Variants in FRS2 observed in about 807,000 individuals in gnomAD.
The protein encoded by FRS2 is fibroblast growth factor receptor substrate 2, also known as FGFR signalling adaptor.
In FRS2, 8 loss-of-function variants were observed where a neutral mutation model predicts 43.9. The ratio of observed to expected loss-of-function variants is 0.18; its 90% CI spans 0.11 to 0.33. The LOEUF (loss-of-function observed/expected upper bound fraction) is 0.33. FRS2 is among the 10% of genes least tolerant of loss of function. The probability of loss-of-function intolerance (pLI) is 1.00; values close to 1 mark genes in which losing one functional copy is unlikely to be tolerated. For synonymous variants in FRS2, 219 were observed against 220.3 expected (o/e 0.99, Z 0.05); for missense variants, 534 against 627.6 (o/e 0.85, Z 1.59).
Position 69,561,780 on chromosome 12 carries a change from C to T in FRS2, c.-121-400C>T, listed in dbSNP as rs1593058102. On this transcript the variant is annotated intron_variant, in intron 3 of 8. Coordinates refer to ENST00000549921, the MANE Select transcript of FRS2 (RefSeq NM_001278356.2). Reference sequence around the variant, plus strand: ...ATGGTGAGTGAGGTTTAGGAAATGTCACTGGGGATGGAGAATTAGTCTGCT... The same window carrying T: ...ATGGTGAGTGAGGTTTAGGAAATGTTACTGGGGATGGAGAATTAGTCTGCT... 2.0e-5 allele frequency among the ~76,000 whole-genome samples: 3 copies of T among 152,172 alleles called. No individual in the cohort carries two copies. In the South Asian group the frequency reaches 6.2e-4, roughly 32 times the overall value.
chr12:69,488,658 C>T (rs759772733), intron 1 of FRS2, among the ~76,000 whole-genome samples: 4 of 152,108 alleles, frequency 2.6e-5, no homozygotes, highest in African/African-American at 4.8e-5. Context: ...CTATTTGAAG[C>T]TGTTTTGACA....
intron 1 of FRS2, among the ~76,000 whole-genome samples, chr12:69,530,053 CAAAA>C (rs950260147): frequency 1.3e-5 from 2 of 149,014 alleles, no homozygotes; most frequent in African/African-American, 5.0e-5. Flanking sequence ...GACTCCGTCT[CAAAA>C]GAAAAAAAAA....
intron 5 of FRS2, among the ~76,000 whole-genome samples, 177 bp downstream of exon 5, chr12:69,569,273 T>G (rs1880552956): frequency 6.6e-6 from 1 of 152,234 alleles, no homozygotes; most frequent in Non-Finnish European, 1.5e-5. Flanking sequence ...GTATGGAATT[T>G]TTTTTAGTTT....
chr12:69,533,080 A>G (rs1448640064), intron 3 of FRS2, among the ~76,000 whole-genome samples: 2 of 152,220 alleles, frequency 1.3e-5, no homozygotes, highest in Non-Finnish European at 2.9e-5. Context: ...CTAATCTTAT[A>G]CTGCCACCCT....
At chr12:69,545,763 AAAAAAAAAAAAAAAAC>A (rs1288052412) in intron 3 of FRS2, among the ~76,000 whole-genome samples, 1 of 150,344 alleles carries the variant, frequency 6.7e-6, no homozygotes, top group Non-Finnish European at 1.5e-5. Flanking sequence ...CTCAAAAAAA[AAAAAAAAAAAAAAAAC>A]AAAAACAAAA....
At chr12:69,553,358 A>T (rs913383570) in intron 3 of FRS2, among the ~76,000 whole-genome samples, 2 of 152,222 alleles carry the variant, frequency 1.3e-5, no homozygotes, top group Non-Finnish European at 2.9e-5. Flanking sequence ...GGCATGAGCC[A>T]CTGCGCCTGG....
At chr12:69,476,143 T>A (rs1159168126) in intron 1 of FRS2, among the ~76,000 whole-genome samples, 1 of 152,200 alleles carries the variant, frequency 6.6e-6, no homozygotes, top group Non-Finnish European at 1.5e-5. Context: ...TATTTATGCA[T>A]ATTAAAGAAG....
chr12:69,517,619 TGCCATTCCTAAAGGGCACATAG>T (rs910996561), intron 1 of FRS2, among the ~76,000 whole-genome samples: 5 of 146,460 alleles, frequency 3.4e-5, no homozygotes, highest in African/African-American at 1.3e-4. Context: ...ACTGGAATTC[TGCCATTCCTAAAGGGCACATAG>T]GCCATTTCTA....
intron 1 of FRS2, among the ~76,000 whole-genome samples, chr12:69,523,344 CTT>C (rs1272647644): frequency 6.6e-6 from 1 of 151,790 alleles, no homozygotes; most frequent in Non-Finnish European, 1.5e-5. Flanking sequence ...ATGCCCTTGT[CTT>C]TTTTGATCTT....
chr12:69,495,768 G>A (rs1872822857), intron 1 of FRS2, among the ~76,000 whole-genome samples: 1 of 152,002 alleles, frequency 6.6e-6, no homozygotes. Context: ...TGGCTGTGGT[G>A]GTGCACACCT....
chr12:69,485,091 A>ACACACACACACACACACACACACGCG (rs1871730400), intron 1 of FRS2, among the ~76,000 whole-genome samples: 1 of 123,286 alleles, frequency 8.1e-6, no homozygotes, highest in Admixed American at 7.7e-5. Flanking sequence ...AAACACACAC[A>ACACACACACACACACACACACACGCG]CACACACACA....
intron 1 of FRS2, among the ~76,000 whole-genome samples, chr12:69,487,918 G>A (rs930736933): frequency 1.3e-5 from 2 of 152,184 alleles, no homozygotes; most frequent in Non-Finnish European, 2.9e-5. Context: ...AGCATATATG[G>A]TGAACATTGC....
chr12:69,539,749 T>A (rs1169371244), intron 3 of FRS2, among the ~76,000 whole-genome samples: 5 of 145,932 alleles, frequency 3.4e-5, no homozygotes, highest in South Asian at 2.2e-4. Context: ...AGGTCAGGAG[T>A]TCGAGACCAG....
At chr12:69,530,265 A>G (rs1018038735) in intron 1 of FRS2, among the ~76,000 whole-genome samples, 13 of 151,480 alleles carry the variant, frequency 8.6e-5, no homozygotes, top group Admixed American at 3.9e-4. Flanking sequence ...GGGCTACCAT[A>G]TATTTCTTTT....
At chr12:69,540,945 A>G (rs1214225982) in intron 3 of FRS2, among the ~76,000 whole-genome samples, 1 of 152,218 alleles carries the variant, frequency 6.6e-6, no homozygotes, top group African/African-American at 2.4e-5. Context: ...GAGGCATTCT[A>G]CAAAATACTT....
rs1225691325 is a variant in FRS2, at chr12:69,578,353, T to C, written c.*3398T>C. On this transcript the variant is annotated 3_prime_UTR_variant, in exon 9 of 9. Coordinates refer to ENST00000549921, the MANE Select transcript of FRS2 (RefSeq NM_001278356.2). ...TTCCTTGATGTTTGCCAAATTTGAA[T>C]AAAGGCATTGGTACGAAATTACAGA... is the stretch of plus-strand genomic sequence containing the variant. 1 of 152,620 alleles carries C rather than the reference T, an allele frequency of 6.6e-6. No homozygotes were observed. The highest frequency in any genetic ancestry group is 1.5e-5 in the Non-Finnish European group (1 of 68,018). The allele number at this position is 152,620 out of a possible 1,614,324, so 9.5% of individuals were successfully genotyped here. A position where few individuals can be genotyped will look rare whatever the true frequency, so the allele number is the denominator to read the frequency against.
intron 1 of FRS2, among the ~76,000 whole-genome samples, chr12:69,484,331 G>A (rs556632706): frequency 6.6e-6 from 1 of 152,096 alleles, no homozygotes; most frequent in African/African-American, 2.4e-5. Context: ...TGATCTGCCC[G>A]CTTTTGCCTC....
chr12:69,518,944 G>A (rs1330286894), intron 1 of FRS2, among the ~76,000 whole-genome samples: 2 of 150,492 alleles, frequency 1.3e-5, no homozygotes, highest in African/African-American at 4.9e-5. Context: ...AACCCGGGAA[G>A]CGGGTAGCGC....
intron 4 of FRS2, among the ~76,000 whole-genome samples, chr12:69,566,835 C>T (rs1593066160): frequency 6.6e-6 from 1 of 152,148 alleles, no homozygotes; most frequent in African/African-American, 2.4e-5. Context: ...AAGATCAAGT[C>T]TCAAATCTAG....
Sources: gnomAD v4.1 joint callset for allele counts (sites outside exome capture counted in the v4.1 genomes callset) on GRCh38, gnomAD v4.1.1 for gene constraint, MANE v1.5 for transcripts, NCBI Gene and HGNC (gene_info 2026-07-23, HGNC 2026-07-21) for gene names.